The following ZSCAN1 variants were observed in gnomAD, a reference collection of about 807,000 sequenced individuals.
The protein encoded by ZSCAN1 is zinc finger and SCAN domain containing 1.
A neutral mutation model predicts 23.8 loss-of-function variants in ZSCAN1; 23 were observed. The observed-to-expected ratio is 0.97, with a 90% CI of 0.70 to 1.37. ZSCAN1 has a LOEUF of 1.37. ZSCAN1 is among the 40% of genes most tolerant of loss of function. The pLI, the probability that ZSCAN1 is intolerant of heterozygous loss-of-function variation, is 0.00. For missense variants in ZSCAN1, 575 were observed against 554.0 expected (o/e 1.04, Z -0.38); for synonymous variants, 236 against 232.3 (o/e 1.02, Z -0.15).
In ZSCAN1 at chr19:58,053,103, G is replaced by A. The variant is rs867519565; in HGVS notation, c.605-326G>A. 4.6e-5 allele frequency among the ~76,000 whole-genome samples: 7 copies of A among 152,178 alleles called. No individual in the cohort carries two copies. In the South Asian group the frequency reaches 1.5e-3, roughly 32 times the overall value. On this transcript the variant is annotated intron_variant, in intron 5 of 5. Transcript: ENST00000282326. This position sits in a 1 kb window ranked among gnomAD's most constrained non-coding sequence, Gnocchi z 5.8. Reference sequence around the variant, plus strand: ...CCCTCCTGAGTAGCTGGGATTACAGGCGCACACCACCACGCCCAGCTAATT... The same window carrying A: ...CCCTCCTGAGTAGCTGGGATTACAGACGCACACCACCACGCCCAGCTAATT...
Position 58,049,930 on chromosome 19 carries a change from A to T in ZSCAN1, c.466-2560A>T, listed in dbSNP as rs1156915263. On this transcript the variant is annotated intron_variant, in intron 4 of 5. Transcript: ENST00000282326. This position sits in a 1 kb window ranked among gnomAD's most constrained non-coding sequence, Gnocchi z 4.5. ...TTCTCGGGTTTTTTCACTTTACTCC[A>T]CTGTGTTGCTGCAGATCTTCAATGG... 6.6e-6 allele frequency among the ~76,000 whole-genome samples: 1 copy of T among 151,600 alleles called. No individual in the cohort carries two copies. Among genetic ancestry groups the T allele is most frequent in the Non-Finnish European group, 1.5e-5 (1 of 67,896 alleles).
chr19:58,035,659 G>A (rs902283209), intron 1 of ZSCAN1, among the ~76,000 whole-genome samples: 2 of 152,184 alleles, frequency 1.3e-5, no homozygotes, highest in Non-Finnish European at 2.9e-5. Context: ...TTTTGCCTGT[G>A]GCCTTGGCAG....
rs762071242 is a variant in ZSCAN1, at chr19:58,045,898, G to A, written c.465+5354G>A. 15 of 1,009,812 alleles carry A rather than the reference G, an allele frequency of 1.5e-5. No homozygotes were observed. The highest frequency in any genetic ancestry group is 2.4e-5 in the Non-Finnish European group (15 of 630,756). 62.6% of individuals were successfully genotyped at this position (1,009,812 alleles called of 1,614,324 possible). ...ACTGCAGACTCTCCCAGAGATTGTG[G>A]CAAAGGAAGCACAGGTGAAAGTGGC... On this transcript the variant is annotated intron_variant, in intron 4 of 5. Transcript: ENST00000282326. This position sits in a 1 kb window ranked among gnomAD's most constrained non-coding sequence, Gnocchi z 4.3.
Position 58,040,309 on chromosome 19 carries a change from GA to G in ZSCAN1, c.371-140del. 1.2e-6 allele frequency: 1 copy of G among 835,888 alleles called. No individual in the cohort carries two copies. Among genetic ancestry groups the G allele is most frequent in the African/African-American group, 1.7e-5 (1 of 59,136 alleles). 51.8% of individuals were successfully genotyped at this position (835,888 alleles called of 1,614,324 possible). Reference sequence around the variant, plus strand: ...CAGCAGCCACATGGAGGGACAGAATGACAGCCCTGCAGCCACTCTTGCCTGC... The same window carrying G: ...CAGCAGCCACATGGAGGGACAGAATGCAGCCCTGCAGCCACTCTTGCCTGC... On this transcript the variant is annotated intron_variant, in intron 3 of 5. Transcript: ENST00000282326. This position sits in a 1 kb window ranked among gnomAD's most constrained non-coding sequence, Gnocchi z 5.8.
At chr19:58,051,420 G>C (rs1055294545) in intron 4 of ZSCAN1, among the ~76,000 whole-genome samples, 4 of 152,054 alleles carry the variant, frequency 2.6e-5, no homozygotes, top group Admixed American at 2.0e-4. Context: ...CCCAACGTGA[G>C]AGCAGGAAGA....
chr19:58,037,975 C>G lies in ZSCAN1; in HGVS notation c.139C>G (p.His47Asp). ...QRLRFRQFQY[H>D]VASGPHLALG... ...TCTGCGCTTCCGGCAGTTCCAGTACCACGTGGCGAGCGGGCCGCACCTCGC... is the reference window on the plus strand; with the variant it reads ...TCTGCGCTTCCGGCAGTTCCAGTACGACGTGGCGAGCGGGCCGCACCTCGC... Residue 47 changes from histidine to aspartate, a missense_variant, in exon 3 of 6, where the codon CAC (histidine) becomes GAC (aspartate). His to Asp is a moderately conservative substitution (Grantham distance 81). Transcript: ENST00000282326. 2 of 1,607,208 alleles carry G rather than the reference C, an allele frequency of 1.2e-6. No homozygotes were observed. The highest frequency in any genetic ancestry group is 1.1e-5 in the South Asian group (1 of 91,010).
rs2073816744 is a variant in ZSCAN1 at position 58,045,136 on chromosome 19, G to A, written c.465+4592G>A. 2 of 1,241,456 alleles carry A rather than the reference G, an allele frequency of 1.6e-6. No homozygotes were observed. The highest frequency in any genetic ancestry group is 2.4e-6 in the Non-Finnish European group (2 of 844,866). 76.9% of individuals were successfully genotyped at this position (1,241,456 alleles called of 1,614,324 possible). On this transcript the variant is annotated intron_variant, in intron 4 of 5. Coordinates refer to ENST00000282326, the MANE Select transcript of ZSCAN1 (RefSeq NM_182572.4). This position sits in a 1 kb window ranked among gnomAD's most constrained non-coding sequence, Gnocchi z 4.3. The stretch of plus-strand genomic sequence containing the variant: ...AAGATCGCAGCACGCATGCTCTGGC[G>A]CATCCTCAACTGCCACACCCTGACC...
At chr19:58,035,513 A>G (rs1209194730) in intron 1 of ZSCAN1, 2 of 152,238 alleles carry the variant, frequency 1.3e-5, no homozygotes, top group Non-Finnish European at 2.9e-5. Flanking sequence ...GTGAGCTGCC[A>G]TGAGCACCTG....
intron 5 of ZSCAN1, 21 bp downstream of exon 5, chr19:58,052,649 G>A: frequency 1.3e-6 from 2 of 1,563,948 alleles, no homozygotes; most frequent in South Asian, 2.4e-5. Flanking sequence ...CTCCTGTGTG[G>A]ATTAAGGGTT....
At chr19:58,034,307 C>T (rs1213266013) in intron 1 of ZSCAN1, 146 bp downstream of exon 1, 2 of 144,030 alleles carry the variant, frequency 1.4e-5, no homozygotes, top group Admixed American at 6.8e-5. Flanking sequence ...GGCCCGGGCC[C>T]GGGAGGGGGC....
downstream of ZSCAN1, among the ~76,000 whole-genome samples, chr19:58,054,912 C>T (rs1157877940): frequency 6.6e-6 from 1 of 152,114 alleles, no homozygotes; most frequent in Non-Finnish European, 1.5e-5. The surrounding 1 kb of genome is among the most constrained non-coding windows in gnomAD (Gnocchi z 4.2). Flanking sequence ...TTCTGGTCTG[C>T]CAGGAAGGAT....
intron 4 of ZSCAN1, among the ~76,000 whole-genome samples, chr19:58,051,277 A>C (rs558622805): frequency 1.4e-5 from 2 of 143,876 alleles, no homozygotes; most frequent in East Asian, 4.0e-4. Context: ...CGTAAAAGGG[A>C]GTCCCGCCTT....
In ZSCAN1 at chr19:58,040,537, C is replaced by A. The variant is rs775194762; in HGVS notation, c.458C>A (p.Pro153Gln). 3.1e-6 allele frequency: 5 copies of A among 1,613,384 alleles called. No homozygotes were observed. The highest frequency in any genetic ancestry group is 1.7e-5 in the Admixed American group (1 of 60,026). The change falls in exon 4 of 6, where the codon CCA becomes CAA. Residue 153 changes from proline (P) to glutamine (Q), a missense_variant. Transcript: ENST00000282326. This position sits in a 1 kb window ranked among gnomAD's most constrained non-coding sequence, Gnocchi z 5.8. The stretch of plus-strand genomic sequence containing the variant: ...AAGAGTCCAAGGTCCCAGAAAGAAC[C>A]ATCGCAGGTGAGCCCGGGGCCCCCA... The part of the protein sequence containing the change: ...DGKSPRSQKE[P>Q]SQASELILDA...
At chr19:58,043,575 T>C (rs1599903651) in intron 4 of ZSCAN1, among the ~76,000 whole-genome samples, 1 of 152,300 alleles carries the variant, frequency 6.6e-6, no homozygotes, top group Middle Eastern at 3.4e-3. Context: ...ATAAACATGG[T>C]GCACTTAGGC....
At chr19:58,043,900 C>T (rs2073806315) in intron 4 of ZSCAN1, among the ~76,000 whole-genome samples, 1 of 151,988 alleles carries the variant, frequency 6.6e-6, no homozygotes, top group South Asian at 2.1e-4. Flanking sequence ...CTCCTAGGCT[C>T]AAGCGATCCT....
rs200069858 is a variant in ZSCAN1, at chr19:58,043,437, G to A, written c.465+2893G>A. Among the ~76,000 whole-genome samples the A allele has an allele frequency of 2.0e-5, 3 of 152,124 alleles. No individual in the cohort carries two copies. The East Asian group carries it at 5.8e-4, about 29-fold the overall frequency. On this transcript the variant is annotated intron_variant, in intron 4 of 5. Transcript: ENST00000282326. ...GGTACAGTAAAAATACAAAATAGAA[G>A]ATAAAAAACAGTACACTTGTATAAA...
downstream of ZSCAN1, among the ~76,000 whole-genome samples, chr19:58,055,343 G>A (rs534470050): frequency 8.6e-5 from 13 of 152,020 alleles, no homozygotes; most frequent in Non-Finnish European, 1.8e-4. Context: ...TCGCTGCCGC[G>A]CTTGCCTTCT....
At chr19:58,044,832 C>A (rs971999267) in intron 4 of ZSCAN1, 2 of 752,362 alleles carry the variant, frequency 2.7e-6, no homozygotes, top group Non-Finnish European at 4.8e-6. Flanking sequence ...GCCTTCGCAC[C>A]GTGTCGAGAG....
chr19:58,045,099 C>T lies in ZSCAN1; in HGVS notation c.465+4555C>T, dbSNP rs558279624. 3 of 1,235,914 alleles carry T rather than the reference C, an allele frequency of 2.4e-6. No individual in the cohort carries two copies. Among genetic ancestry groups the T allele is most frequent in the East Asian group, 4.7e-5 (2 of 42,720 alleles). The allele number at this position is 1,235,914 out of a possible 1,614,324, so 76.6% of individuals were successfully genotyped here. On this transcript the variant is annotated intron_variant, in intron 4 of 5. Coordinates refer to ENST00000282326, the MANE Select transcript of ZSCAN1 (RefSeq NM_182572.4). The surrounding 1 kb of genome is among the most constrained non-coding windows in gnomAD (Gnocchi z 4.3). ...CTACTACCATGGCTTCCGCCTGCTA[C>T]GGATCCACACCAAGATCGCAGCACG...
Sources: gnomAD v4.1 joint callset for allele counts (sites outside exome capture counted in the v4.1 genomes callset) on GRCh38, gnomAD v4.1.1 for gene constraint, Gnocchi (gnomAD v3.1) non-coding constraint, MANE v1.5 for transcripts, NCBI Gene and HGNC (gene_info 2026-07-23, HGNC 2026-07-21) for gene names.